BCHE: variants seen among roughly 807,000 people sequenced by gnomAD.
BCHE encodes cholinesterase.
In BCHE, 48 loss-of-function variants were observed where a neutral mutation model predicts 51.3. The observed-to-expected ratio is 0.94, with a 90% CI of 0.74 to 1.19. BCHE has a LOEUF of 1.19. Among genes scored for constraint, BCHE ranks in the 50% most tolerant of loss-of-function variants. BCHE has a pLI of 0.00. For missense variants in BCHE, 847 were observed against 708.2 expected (o/e 1.20, Z -2.23); for synonymous variants, 251 against 238.0 (o/e 1.05, Z -0.50).
At chr3:165,826,619 C>T (rs1391138162) in intron 2 of BCHE, among the ~76,000 whole-genome samples, 1 of 151,910 alleles carries the variant, frequency 6.6e-6, no homozygotes, top group African/African-American at 2.4e-5. Flanking sequence ...TATATTTTTA[C>T]AGTATGTACA....
intron 3 of BCHE, among the ~76,000 whole-genome samples, chr3:165,774,342 AT>A (rs958073546): frequency 3.3e-5 from 5 of 150,608 alleles, no homozygotes; most frequent in Admixed American, 1.3e-4. Context: ...TTATTTATTT[AT>A]TTTTTTTTGA....
chr3:165,815,241 A>T (rs1714266182), intron 2 of BCHE, among the ~76,000 whole-genome samples: 1 of 51,216 alleles, frequency 2.0e-5, no homozygotes. Flanking sequence ...TAACACTTTG[A>T]TTTTAGAAAA....
chr3:165,776,398 G>A (rs1465858406), intron 3 of BCHE, among the ~76,000 whole-genome samples: 1 of 151,852 alleles, frequency 6.6e-6, no homozygotes, highest in Non-Finnish European at 1.5e-5. Context: ...TTCTTTTCAT[G>A]CCTCATGGTG....
chr3:165,777,798 A>G (rs992385224), intron 3 of BCHE: 2 of 452,682 alleles, frequency 4.4e-6, no homozygotes, highest in Non-Finnish European at 8.9e-6. Context: ...TCCTCAGCCT[A>G]CTCAATGTGA....
chr3:165,814,506 C>T lies in BCHE; in HGVS notation c.1517+15011G>A, dbSNP rs184813596. ...CCTTACTTTCCTCAGCTCACTAATACTTACTGGAAACCTGAAACGTGCATG... is the reference window on the plus strand; with the variant it reads ...CCTTACTTTCCTCAGCTCACTAATATTTACTGGAAACCTGAAACGTGCATG... On this transcript the variant is annotated intron_variant, in intron 2 of 3. Transcript: ENST00000264381. Among the ~76,000 whole-genome samples, 23 of 152,172 alleles carry T rather than the reference C, an allele frequency of 1.5e-4. No individual in the cohort carries two copies. In the East Asian group the frequency reaches 3.9e-3, roughly 26 times the overall value.
chr3:165,830,145 G>A lies in BCHE; in HGVS notation c.889C>T (p.Pro297Ser), dbSNP rs945799475. The A allele has an allele frequency of 6.2e-6, 10 of 1,613,896 alleles. No homozygotes were observed. The highest frequency in any genetic ancestry group is 7.6e-6 in the Non-Finnish European group (9 of 1,179,908). ...EIIKCLRNKD[P>S]QEILLNEAFV... Reference sequence around the variant, plus strand: ...GCTTCATTCAGAAGAATTTCTTGGGGATCTTTATTTCTAAGACACTTGATT... The same window carrying A: ...GCTTCATTCAGAAGAATTTCTTGGGAATCTTTATTTCTAAGACACTTGATT... The change falls in exon 2 of 4, where the codon CCC becomes TCC. Residue 297 changes from proline to serine, a missense_variant. By Grantham distance (74) the Pro-to-Ser change is moderately conservative. Transcript: ENST00000264381.
intron 2 of BCHE, among the ~76,000 whole-genome samples, chr3:165,822,488 T>C (rs1714568149): frequency 6.6e-6 from 1 of 152,034 alleles, no homozygotes; most frequent in East Asian, 1.9e-4. Context: ...TATATTCCCA[T>C]TTTACAGATA....
intron 2 of BCHE, among the ~76,000 whole-genome samples, chr3:165,823,538 T>C (rs566552985): frequency 6.6e-6 from 1 of 152,054 alleles, no homozygotes; most frequent in Admixed American, 6.6e-5. Flanking sequence ...ACTGGAAAAA[T>C]AATCCTTGAA....
intron 3 of BCHE, among the ~76,000 whole-genome samples, chr3:165,784,433 A>G (rs1712860848): frequency 6.6e-6 from 1 of 151,974 alleles, no homozygotes; most frequent in Non-Finnish European, 1.5e-5. Context: ...TGGGGGAATT[A>G]ATTAGAAAAA....
intron 3 of BCHE, among the ~76,000 whole-genome samples, chr3:165,783,629 C>G (rs1375878227): frequency 6.6e-6 from 1 of 151,978 alleles, no homozygotes; most frequent in Non-Finnish European, 1.5e-5. Context: ...ATTCAAAGGT[C>G]AATGGAGGAA....
chr3:165,837,118 C>A (rs1715216768), intron 1 of BCHE, among the ~76,000 whole-genome samples, 196 bp downstream of exon 1: 1 of 152,076 alleles, frequency 6.6e-6, no homozygotes, highest in Non-Finnish European at 1.5e-5. Flanking sequence ...AGTCTGCGTT[C>A]CCTGAATAAT....
chr3:165,791,397 T>A (rs566908813), intron 2 of BCHE, among the ~76,000 whole-genome samples: 1 of 152,076 alleles, frequency 6.6e-6, no homozygotes, highest in Non-Finnish European at 1.5e-5. Context: ...AGGTGACCAA[T>A]TAGGAGGCTA....
chr3:165,828,148 C>G (rs1212659566), intron 2 of BCHE: 6 of 438,130 alleles, frequency 1.4e-5, no homozygotes, highest in Non-Finnish European at 2.7e-5. Flanking sequence ...AATTGCAACT[C>G]TAGGAATTAA....
chr3:165,787,085 T>C (rs1041146602), intron 2 of BCHE, among the ~76,000 whole-genome samples: 14 of 151,844 alleles, frequency 9.2e-5, no homozygotes, highest in Non-Finnish European at 1.6e-4. Flanking sequence ...TTTCCAATTT[T>C]ATGTGTCTAA....
At chr3:165,833,050 A>G (rs1332772216) in intron 1 of BCHE, among the ~76,000 whole-genome samples, 1 of 152,138 alleles carries the variant, frequency 6.6e-6, no homozygotes, top group Admixed American at 6.6e-5. Context: ...TCATATGTAT[A>G]TGCATATATA....
intron 2 of BCHE, among the ~76,000 whole-genome samples, chr3:165,802,798 G>T (rs993771672): frequency 6.6e-6 from 1 of 152,000 alleles, no homozygotes; most frequent in African/African-American, 2.4e-5. Flanking sequence ...CTGGAGTACC[G>T]TGGCGCGATC....
chr3:165,794,310 A>C (rs1183936802), intron 2 of BCHE, among the ~76,000 whole-genome samples: 1 of 152,284 alleles, frequency 6.6e-6, no homozygotes, highest in East Asian at 1.9e-4. Context: ...TGAATCTTTA[A>C]AGATAAAAGA....
chr3:165,778,569 C>T (rs1712561982), intron 3 of BCHE: 7 of 342,320 alleles, frequency 2.0e-5, no homozygotes, highest in Non-Finnish European at 3.9e-5. Context: ...GGCTTCTCTC[C>T]ACTTTGCCTT....
chr3:165,773,563 A>G (rs1303943981), intron 3 of BCHE, 57 bp from the exon 4 acceptor site: 2 of 1,493,828 alleles, frequency 1.3e-6, no homozygotes, highest in African/African-American at 2.8e-5. Context: ...TCATTAACTG[A>G]AAAATAATTT....
Sources: allele counts gnomAD v4.1 joint callset (sites outside exome capture counted in the v4.1 genomes callset), GRCh38; gene constraint gnomAD v4.1.1; transcripts MANE v1.5; gene names NCBI Gene and HGNC (gene_info 2026-07-23, HGNC 2026-07-21).